CACNB2: variants seen among roughly 807,000 people sequenced by gnomAD.
CACNB2 encodes calcium voltage-gated channel auxiliary subunit beta 2, also known as voltage-dependent L-type calcium channel subunit beta-2.
CACNB2 carries 42 observed loss-of-function variants against 73.3 expected under a neutral mutation model. The ratio of observed to expected loss-of-function variants is 0.57; its 90% CI spans 0.45 to 0.74. The LOEUF is 0.74. Among genes scored for constraint, CACNB2 ranks in the 30% least tolerant of loss-of-function variants. The pLI, the probability that CACNB2 is intolerant of heterozygous loss-of-function variation, is 0.00. For missense variants in CACNB2, 940 were observed against 853.0 expected (o/e 1.10, Z -1.27); for synonymous variants, 348 against 310.3 (o/e 1.12, Z -1.28).
intron 2 of CACNB2, among the ~76,000 whole-genome samples, chr10:18,335,128 G>T (rs1373113874): frequency 2.6e-4 from 37 of 139,798 alleles, no homozygotes; most frequent in African/African-American, 1.0e-4. Context: ...AGTATGAAAA[G>T]TAAAAAAAAA....
At chr10:18,351,884 C>T (rs538395299) in intron 2 of CACNB2, among the ~76,000 whole-genome samples, 7 of 152,240 alleles carry the variant, frequency 4.6e-5, no homozygotes, top group Admixed American at 2.6e-4. Flanking sequence ...AAATGGGTGA[C>T]AGTTTTTGCA....
Position 18,395,463 on chromosome 10 carries a change from C to T in CACNB2, c.214-6461C>T, listed in dbSNP as rs867809130. ...GTGCCTTTTAAAAAAAAATCAGTTT[C>T]CTTCACTGAGATATTAAGTTTCATG... On this transcript the variant is annotated intron_variant, in intron 2 of 13. Transcript: ENST00000324631. Among the ~76,000 whole-genome samples the T allele has an allele frequency of 7.9e-5, 12 of 152,144 alleles. No homozygotes were observed. In the South Asian group the frequency reaches 2.5e-3, roughly 32 times the overall value.
At chr10:18,281,183 T>C (rs1381471523) in intron 2 of CACNB2, among the ~76,000 whole-genome samples, 2 of 152,108 alleles carry the variant, frequency 1.3e-5, no homozygotes, top group Non-Finnish European at 2.9e-5. Flanking sequence ...TGTTGGACAA[T>C]TGGAGATTAG....
intron 2 of CACNB2, among the ~76,000 whole-genome samples, chr10:18,211,760 T>C (rs1410480652): frequency 1.3e-5 from 2 of 152,226 alleles, no homozygotes; most frequent in African/African-American, 4.8e-5. Flanking sequence ...ATGTTACACA[T>C]GGAGCAGTTC....
At chr10:18,299,040 A>G (rs1489546175) in intron 2 of CACNB2, among the ~76,000 whole-genome samples, 5 of 150,288 alleles carry the variant, frequency 3.3e-5, no homozygotes, top group African/African-American at 4.9e-5. Flanking sequence ...CACGTTGTGC[A>G]CATGTACCCT....
chr10:18,171,519 C>CAAAA (rs1230482235), intron 2 of CACNB2, among the ~76,000 whole-genome samples: 1 of 10,030 alleles, frequency 1.0e-4, no homozygotes, highest in Non-Finnish European at 1.7e-4. Context: ...GCTTTGATAG[C>CAAAA]AGAAAAAAAA....
At chr10:18,326,186 A>G (rs2040585132) in intron 2 of CACNB2, among the ~76,000 whole-genome samples, 1 of 151,876 alleles carries the variant, frequency 6.6e-6, no homozygotes, top group African/African-American at 2.4e-5. Context: ...AAAAAAATAA[A>G]GCAGTTTTAA....
chr10:18,282,862 T>C (rs1438760164), intron 2 of CACNB2, among the ~76,000 whole-genome samples: 1 of 152,100 alleles, frequency 6.6e-6, no homozygotes, highest in Admixed American at 6.6e-5. Flanking sequence ...CAAAAGAAAC[T>C]ACCATCAGAG....
intron 2 of CACNB2, among the ~76,000 whole-genome samples, chr10:18,356,369 T>C (rs2041908508): frequency 6.6e-6 from 1 of 152,170 alleles, no homozygotes; most frequent in African/African-American, 2.4e-5. Context: ...TTCCTCACTT[T>C]CTCCAGCAAG....
At chr10:18,164,152 A>C (rs185759462) in intron 2 of CACNB2, among the ~76,000 whole-genome samples, 1 of 152,354 alleles carries the variant, frequency 6.6e-6, no homozygotes, top group East Asian at 1.9e-4. Flanking sequence ...TGCAATCACA[A>C]TGTAAACAGG....
chr10:18,229,290 T>C (rs78575987), intron 2 of CACNB2, among the ~76,000 whole-genome samples: 6,387 of 152,286 alleles, frequency 0.042, 158 homozygotes, highest in African/African-American at 0.053. Flanking sequence ...TTTATTCTTA[T>C]AAAACAAGAA....
rs3841459 is a variant in CACNB2 at position 18,539,792 on chromosome 10, C to CAA, written c.*70_*71dup. 0.37 allele frequency: 551,257 copies of CAA among 1,497,612 alleles called. 107,702 individuals are homozygous for CAA. The highest frequency in any genetic ancestry group is 0.71 in the East Asian group (31,446 of 44,070). The allele number at this position is 1,497,612 out of a possible 1,614,324, so 92.8% of individuals were successfully genotyped here. A position where few individuals can be genotyped will look rare whatever the true frequency, so the allele number is the denominator to read the frequency against. ...TGTATAACTAACAGCATCCCCAAAA[C>CAA]AAAGTCTTTGGGGTCTACACTGCAA... is the stretch of plus-strand genomic sequence containing the variant. On this transcript the variant is annotated 3_prime_UTR_variant, in exon 14 of 14. Coordinates refer to ENST00000324631, the MANE Select transcript of CACNB2 (RefSeq NM_201596.3).
chr10:18,315,414 G>A (rs2040128742), intron 2 of CACNB2, among the ~76,000 whole-genome samples: 1 of 137,932 alleles, frequency 7.2e-6, no homozygotes. Context: ...TAATCCCAGT[G>A]CTTTGGGAGG....
At chr10:18,229,220 A>G (rs1481308946) in intron 2 of CACNB2, among the ~76,000 whole-genome samples, 1 of 152,244 alleles carries the variant, frequency 6.6e-6, no homozygotes, top group Non-Finnish European at 1.5e-5. Context: ...AATTAAGGAA[A>G]GGAGATCAGC....
chr10:18,150,746 T>A, intron 1 of CACNB2, 137 bp from the exon 2 acceptor site: 1 of 610,270 alleles, frequency 1.6e-6, no homozygotes, highest in Non-Finnish European at 2.8e-6. Context: ...AGTATTAACT[T>A]TCTAATGATG....
chr10:18,183,529 G>A (rs1009275445), intron 2 of CACNB2, among the ~76,000 whole-genome samples: 5 of 152,104 alleles, frequency 3.3e-5, no homozygotes, highest in African/African-American at 7.2e-5. Flanking sequence ...GGCAAGTCAC[G>A]TCTTACATGG....
At chr10:18,482,459 G>A (rs973866222) in intron 3 of CACNB2, among the ~76,000 whole-genome samples, 2 of 152,042 alleles carry the variant, frequency 1.3e-5, no homozygotes, top group Non-Finnish European at 2.9e-5. Context: ...ATATCTCCTG[G>A]CTAGACTGAA....
chr10:18,393,583 A>C (rs1349676334), intron 2 of CACNB2, among the ~76,000 whole-genome samples: 1 of 152,234 alleles, frequency 6.6e-6, no homozygotes, highest in Non-Finnish European at 1.5e-5. Context: ...CAGCTTCAGT[A>C]CTGAAAACCA....
At chr10:18,366,736 G>A (rs1478751833) in intron 2 of CACNB2, among the ~76,000 whole-genome samples, 1 of 151,530 alleles carries the variant, frequency 6.6e-6, no homozygotes, top group East Asian at 2.0e-4. Flanking sequence ...GTTGCAGCGA[G>A]CGGACATTGT....
Sources: gnomAD v4.1 joint callset for allele counts (sites outside exome capture counted in the v4.1 genomes callset) on GRCh38, gnomAD v4.1.1 for gene constraint, MANE v1.5 for transcripts, NCBI Gene and HGNC (gene_info 2026-07-23, HGNC 2026-07-21) for gene names.